Variants in ERMARD observed in about 807,000 individuals in gnomAD.
ERMARD encodes the protein ER membrane associated RNA degradation.
Under a neutral mutation model 83.9 loss-of-function variants are expected in ERMARD, and 71 were observed. That is an observed-to-expected ratio of 0.85 (90% CI 0.70 to 1.03). ERMARD has a LOEUF of 1.03. Ranked by LOEUF, ERMARD falls within the 50% of genes least tolerant of loss-of-function variation. The pLI is 0.00. For synonymous variants in ERMARD, 284 were observed against 298.6 expected (o/e 0.95, Z 0.50); for missense variants, 838 against 810.9 (o/e 1.03, Z -0.41).
In ERMARD at chr6:169,773,306, T is replaced by A. The variant is rs915224742; in HGVS notation, c.1234-13T>A. ...CCCAAACATGATAGTAACCACTGTT[T>A]TCTCTGCACTAGGAAAAATCAGCCG... is the stretch of plus-strand genomic sequence containing the variant. On this transcript the variant is annotated splice_polypyrimidine_tract_variant and intron_variant, in intron 12 of 17. Coordinates refer to ENST00000366773, the MANE Select transcript of ERMARD (RefSeq NM_018341.3). 1.2e-5 allele frequency: 19 copies of A among 1,613,120 alleles called. No homozygotes were observed. The highest frequency in any genetic ancestry group is 1.6e-5 in the Non-Finnish European group (19 of 1,179,332).
intron 1 of ERMARD, 140 bp from the exon 2 acceptor site, chr6:169,753,724 C>T: frequency 3.9e-6 from 2 of 514,662 alleles, no homozygotes; most frequent in Non-Finnish European, 3.3e-6. Flanking sequence ...TTTAATCATA[C>T]AGCTCTCACG....
At chr6:169,778,530 T>C (rs1205333886) in intron 16 of ERMARD, among the ~76,000 whole-genome samples, 1 of 152,246 alleles carries the variant, frequency 6.6e-6, no homozygotes, top group Non-Finnish European at 1.5e-5. Flanking sequence ...GAAATGGCCA[T>C]TTTGGATACA....
rs1006748910 is a variant in ERMARD at position 169,773,250 on chromosome 6, T to C, written c.1234-69T>C. On this transcript the variant is annotated intron_variant, in intron 12 of 17. Coordinates refer to ENST00000366773, the MANE Select transcript of ERMARD (RefSeq NM_018341.3). ...TGAGAAATGGGGACTCTAAGTGGCC[T>C]ACAGTTCAATAGAAGAAAGCTAAAA... is the stretch of plus-strand genomic sequence containing the variant. 26 of 1,345,070 alleles carry C rather than the reference T, an allele frequency of 1.9e-5. 1 individual carries two copies. In the African/African-American group the frequency reaches 2.8e-4, roughly 14 times the overall value. 83.3% of individuals were successfully genotyped at this position (1,345,070 alleles called of 1,614,324 possible).
At chr6:169,762,844 G>C (rs1026350186) in intron 9 of ERMARD, among the ~76,000 whole-genome samples, 1 of 152,122 alleles carries the variant, frequency 6.6e-6, no homozygotes, top group African/African-American at 2.4e-5. Context: ...CGGTCTAGCC[G>C]GGAGACTGAG....
Position 169,781,431 on chromosome 6 carries a change from T to G in ERMARD, c.1955T>G (p.Leu652Trp), listed in dbSNP as rs538859014. The G allele has an allele frequency of 3.7e-6, 6 of 1,612,910 alleles. No individual in the cohort carries two copies. ...NETINLTHTA[L>W]LKMWTFSEKK... ...ACTATCAATCTTACACATACAGCTT[T>G]GTTGAAAATGTGGACTTTTAGTGAG... Residue 652 changes from leucine to tryptophan, a missense_variant, in exon 18 of 18, where the codon TTG becomes TGG. Leu to Trp is a moderately conservative substitution (Grantham distance 61). Coordinates refer to ENST00000366773, the MANE Select transcript of ERMARD (RefSeq NM_018341.3).
chr6:169,773,165 A>G (rs1035209358), intron 12 of ERMARD, 154 bp from the exon 13 acceptor site: 1 of 585,690 alleles, frequency 1.7e-6, no homozygotes, highest in African/African-American at 1.9e-5. Flanking sequence ...TGCCATGTCA[A>G]GCCTATTTTA....
intron 13 of ERMARD, among the ~76,000 whole-genome samples, chr6:169,774,440 G>A (rs1289667635): frequency 6.6e-6 from 1 of 152,180 alleles, no homozygotes; most frequent in Non-Finnish European, 1.5e-5. Flanking sequence ...GGCAGGTAGG[G>A]AGGAGGGAAG....
At chr6:169,757,356 G>A (rs902112828) in intron 5 of ERMARD, among the ~76,000 whole-genome samples, 4 of 152,214 alleles carry the variant, frequency 2.6e-5, no homozygotes, top group East Asian at 3.9e-4. Context: ...TTCCTATCCC[G>A]AGTGTGAATA....
rs1252011196 is a variant in ERMARD, at chr6:169,754,002, A to G, written c.145A>G (p.Ile49Val). 8.1e-6 allele frequency: 13 copies of G among 1,613,504 alleles called. No homozygotes were observed. In the Admixed American group the frequency reaches 1.8e-4, roughly 23 times the overall value. ...TQNGEVCWKTITDCVSYTESE... is the reference protein window; with the variant it reads ...TQNGEVCWKTVTDCVSYTESE... The stretch of plus-strand genomic sequence containing the variant: ...GAATGGTGAAGTATGCTGGAAAACA[A>G]TCACAGACTGTGTGAGCTACACAGA... Residue 49 changes from isoleucine to valine, a missense_variant, in exon 2 of 18, where the codon ATC becomes GTC. Ile to Val is a conservative substitution (Grantham distance 29). Transcript: ENST00000366773.
At chr6:169,769,428 C>T in intron 11 of ERMARD, 112 bp from the exon 12 acceptor site, 1 of 991,128 alleles carries the variant, frequency 1.0e-6, no homozygotes, top group South Asian at 2.0e-5. Context: ...GAGTCCCACC[C>T]AGGGCTTCAG....
Position 169,751,632 on chromosome 6 carries a change from C to G in ERMARD, c.-26C>G. 1.9e-6 allele frequency: 3 copies of G among 1,571,128 alleles called. No individual in the cohort carries two copies. Among genetic ancestry groups the G allele is most frequent in the Non-Finnish European group, 2.6e-6 (3 of 1,157,986 alleles). On this transcript the variant is annotated 5_prime_UTR_variant, in exon 1 of 18. Coordinates refer to ENST00000366773, the MANE Select transcript of ERMARD (RefSeq NM_018341.3). ...CGCGCAGGCGCCTGCGTCATTCACG[C>G]GCGCCGCAGCGGGGCACCGGAAGTT...
At chr6:169,766,437 T>C (rs1792217250) in intron 9 of ERMARD, among the ~76,000 whole-genome samples, 1 of 152,242 alleles carries the variant, frequency 6.6e-6, no homozygotes, top group Non-Finnish European at 1.5e-5. Flanking sequence ...CATGGCCAGC[T>C]GCACTGTGTT....
rs1792246661 is a variant in ERMARD, at chr6:169,766,625, TC to T, written c.961-11del. ...CTTTAATTGTTTATTTTCATTTCTT[TC>T]CTTTTCTGAAGTCAACAGCTCTTTA... On this transcript the variant is annotated splice_polypyrimidine_tract_variant and intron_variant, in intron 9 of 17. Coordinates refer to ENST00000366773, the MANE Select transcript of ERMARD (RefSeq NM_018341.3). 6.4e-7 allele frequency: 1 copy of T among 1,573,122 alleles called. No homozygotes were observed. Among genetic ancestry groups the T allele is most frequent in the African/African-American group, 1.4e-5 (1 of 72,450 alleles).
At chr6:169,778,663 A>G (rs1376422583) in intron 16 of ERMARD, among the ~76,000 whole-genome samples, 1 of 152,256 alleles carries the variant, frequency 6.6e-6, no homozygotes, top group Non-Finnish European at 1.5e-5. Flanking sequence ...AGACAAGGTC[A>G]TTCTCTTACT....
intron 13 of ERMARD, among the ~76,000 whole-genome samples, chr6:169,774,947 T>C (rs543026412): frequency 6.6e-6 from 1 of 152,302 alleles, no homozygotes; most frequent in East Asian, 1.9e-4. Flanking sequence ...TCACACCTGC[T>C]GTGTTCTGTT....
intron 6 of ERMARD, 92 bp downstream of exon 6, chr6:169,759,157 T>G (rs1791203732): frequency 2.6e-6 from 3 of 1,156,404 alleles, no homozygotes; most frequent in Non-Finnish European, 3.8e-6. Context: ...ATAGATTTTG[T>G]GAAAGATAAG....
intron 3 of ERMARD, chr6:169,755,646 G>A (rs1302770870): frequency 7.7e-6 from 4 of 522,430 alleles, no homozygotes; most frequent in Non-Finnish European, 1.3e-5. Flanking sequence ...ATTATCACAG[G>A]ATTAGGGGTT....
chr6:169,779,447 A>G (rs943908731), intron 17 of ERMARD, 152 bp downstream of exon 17: 10 of 671,530 alleles, frequency 1.5e-5, no homozygotes, highest in Non-Finnish European at 2.4e-5. Flanking sequence ...CTGGCCTGCA[A>G]GAACTCCCAC....
intron 13 of ERMARD, 103 bp downstream of exon 13, chr6:169,773,505 T>C: frequency 1.7e-6 from 2 of 1,163,120 alleles, no homozygotes; most frequent in Non-Finnish European, 2.5e-6. Flanking sequence ...GAGTCAGACT[T>C]TGAGTTGGGC....
Sources: gnomAD v4.1 joint callset for allele counts (sites outside exome capture counted in the v4.1 genomes callset) on GRCh38, gnomAD v4.1.1 for gene constraint, MANE v1.5 for transcripts, NCBI Gene and HGNC (gene_info 2026-07-23, HGNC 2026-07-21) for gene names.